The following BID variants were observed in gnomAD, a reference collection of about 807,000 sequenced individuals.
BID encodes the protein BH3 interacting domain death agonist.
A neutral mutation model predicts 17.4 loss-of-function variants in BID; 19 were observed. That is an observed-to-expected ratio of 1.09 (90% confidence interval 0.76 to 1.60). The LOEUF is 1.60. Among genes scored for constraint, BID ranks in the 40% most tolerant of loss-of-function variants. The probability of loss-of-function intolerance (pLI) is 0.00; values close to 1 mark genes in which losing one functional copy is unlikely to be tolerated. For missense variants in BID, 226 were observed against 256.0 expected (o/e 0.88, Z 0.80); for synonymous variants, 108 against 102.8 (o/e 1.05, Z -0.31).
chr22:17,756,868 C>T (rs912329055), intron 1 of BID, among the ~76,000 whole-genome samples: 8 of 152,216 alleles, frequency 5.3e-5, no homozygotes, highest in South Asian at 4.1e-4. Context: ...GCCACTATGC[C>T]GGCCGCAAAG....
At position 17,767,424 on chromosome 22, in the gene BID, C is replaced by T. The variant is rs999424804; in HGVS notation, c.-59+6957G>A. 4.6e-5 allele frequency among the ~76,000 whole-genome samples: 7 copies of T among 152,228 alleles called. No individual in the cohort carries two copies. In the East Asian group the frequency reaches 1.3e-3, roughly 29 times the overall value. Reference sequence around the variant, plus strand: ...ACATTCACTTAGTGAGAGGCAAAGGCCTTTCTGAATTACAACTTCAGCCCC... The same window carrying T: ...ACATTCACTTAGTGAGAGGCAAAGGTCTTTCTGAATTACAACTTCAGCCCC... On this transcript the variant is annotated intron_variant, in intron 1 of 5. Coordinates refer to ENST00000622694, the MANE Select transcript of BID (RefSeq NM_001196.4).
intron 1 of BID, among the ~76,000 whole-genome samples, chr22:17,759,775 A>C (rs1371251681): frequency 6.6e-6 from 1 of 152,182 alleles, no homozygotes; most frequent in Non-Finnish European, 1.5e-5. Context: ...TACTGAACCT[A>C]TGCAAATAAC....
intron 1 of BID, among the ~76,000 whole-genome samples, chr22:17,770,151 G>A (rs1408547612): frequency 6.6e-6 from 1 of 151,922 alleles, no homozygotes; most frequent in Non-Finnish European, 1.5e-5. Flanking sequence ...ACCCCAGATG[G>A]CTCTCCCTAC....
chr22:17,739,396 C>G lies in BID; in HGVS notation c.316G>C (p.Val106Leu). Residue 106 changes from valine to leucine, a missense_variant, in exon 4 of 6, where the codon GTG becomes CTG. Val to Leu is a conservative substitution (Grantham distance 32). Coordinates refer to ENST00000622694, the MANE Select transcript of BID (RefSeq NM_001196.4). Reference sequence around the variant, plus strand: ...CTGAGCTGCAGGGCCAGGCCGTTCACCAGGCCCGGAGGGATGCTACGGTCC... The same window carrying G: ...CTGAGCTGCAGGGCCAGGCCGTTCAGCAGGCCCGGAGGGATGCTACGGTCC... Reference protein sequence around the residue: ...SMDRSIPPGLVNGLALQLRNT... With the variant: ...SMDRSIPPGLLNGLALQLRNT... 6.2e-7 allele frequency: 1 copy of G among 1,608,828 alleles called. No individual in the cohort carries two copies. The highest frequency in any genetic ancestry group is 8.5e-7 in the Non-Finnish European group (1 of 1,178,494).
chr22:17,754,270 G>A (rs549624155), intron 1 of BID, among the ~76,000 whole-genome samples: 6 of 152,296 alleles, frequency 3.9e-5, no homozygotes, highest in African/African-American at 1.2e-4. Context: ...TTTGCCAGAC[G>A]GGGGTGACAA....
chr22:17,754,341 C>G (rs533124075), intron 1 of BID, among the ~76,000 whole-genome samples: 15 of 152,374 alleles, frequency 9.8e-5, no homozygotes, highest in African/African-American at 3.6e-4. Context: ...CAGGCCTCCC[C>G]TCCAATCCTC....
At chr22:17,753,215 C>T (rs1249010436) in intron 1 of BID, among the ~76,000 whole-genome samples, 1 of 152,176 alleles carries the variant, frequency 6.6e-6, no homozygotes, top group African/African-American at 2.4e-5. Context: ...ATCCGCCCGC[C>T]TCAGCCTCCC....
intron 1 of BID, among the ~76,000 whole-genome samples, chr22:17,751,929 CAGGCCACAG>C (rs1373067126): frequency 1.3e-5 from 2 of 152,252 alleles, no homozygotes; most frequent in African/African-American, 4.8e-5. Flanking sequence ...CCCCAGGAAA[CAGGCCACAG>C]AGGCCACGGC....
chr22:17,740,023 C>G lies in BID; in HGVS notation c.224-535G>C. The G allele has an allele frequency of 1.3e-6, 2 of 1,548,460 alleles. 1 individual carries two copies. Among genetic ancestry groups the G allele is most frequent in the South Asian group, 2.3e-5 (2 of 86,424 alleles). ...TGCCTTTCCAACCAGAGCTCTCCCC[C>G]TTGCCCCTCAGTCCTCCTCCTCTGG... On this transcript the variant is annotated intron_variant, in intron 3 of 5. Transcript: ENST00000622694.
At chr22:17,742,001 C>T (rs2061462654) in intron 3 of BID, among the ~76,000 whole-genome samples, 1 of 152,240 alleles carries the variant, frequency 6.6e-6, no homozygotes, top group South Asian at 2.1e-4. Context: ...AGCTTATCCA[C>T]CTTGCTTCAG....
At chr22:17,774,058 C>T in intron 1 of BID, 1 of 346,808 alleles carries the variant, frequency 2.9e-6, no homozygotes, top group Non-Finnish European at 5.4e-6. Context: ...CCCCGCGCCC[C>T]GCACCCCTCC....
rs569982696 is a variant in BID at position 17,742,285 on chromosome 22, G to A, written c.223+1518C>T. Among the ~76,000 whole-genome samples, 14 of 152,292 alleles carry A rather than the reference G, an allele frequency of 9.2e-5. No individual in the cohort carries two copies. In the East Asian group the frequency reaches 1.5e-3, roughly 17 times the overall value. On this transcript the variant is annotated intron_variant, in intron 3 of 5. Coordinates refer to ENST00000622694, the MANE Select transcript of BID (RefSeq NM_001196.4). ...GGCAAAGGCCGGCATGGAGAAGAGCGAGAGAAAAACACCAGGGCAGACTGG... is the reference window on the plus strand; with the variant it reads ...GGCAAAGGCCGGCATGGAGAAGAGCAAGAGAAAAACACCAGGGCAGACTGG...
chr22:17,740,387 C>T (rs1335006270), intron 3 of BID: 2 of 547,990 alleles, frequency 3.6e-6, no homozygotes, highest in East Asian at 3.0e-5. Flanking sequence ...TGCAGTGAGC[C>T]GTGATTGCAC....
At chr22:17,746,748 A>C (rs2061497562) in intron 2 of BID, among the ~76,000 whole-genome samples, 2 of 152,208 alleles carry the variant, frequency 1.3e-5, no homozygotes, top group Non-Finnish European at 1.5e-5. Context: ...GCAGAGACAC[A>C]CAGAGAGGAC....
At chr22:17,743,649 C>A (rs868428448) in intron 3 of BID, among the ~76,000 whole-genome samples, 154 bp downstream of exon 3, 1 of 152,176 alleles carries the variant, frequency 6.6e-6, no homozygotes, top group Non-Finnish European at 1.5e-5. Context: ...CAAGTAGAGA[C>A]CAGTCAAGTG....
chr22:17,758,933 T>G (rs1345373749), intron 1 of BID, among the ~76,000 whole-genome samples: 1 of 152,066 alleles, frequency 6.6e-6, no homozygotes, highest in Non-Finnish European at 1.5e-5. Flanking sequence ...AAATATACAC[T>G]TAAAAAAGAG....
intron 1 of BID, among the ~76,000 whole-genome samples, chr22:17,768,403 A>G (rs1369076455): frequency 2.0e-5 from 3 of 152,214 alleles, no homozygotes; most frequent in African/African-American, 4.8e-5. Context: ...CCTATGCTCC[A>G]GGTCTTTGTG....
At chr22:17,742,467 A>ACCTCCCC (rs1319569389) in intron 3 of BID, among the ~76,000 whole-genome samples, 1 of 125,838 alleles carries the variant, frequency 7.9e-6, no homozygotes, top group African/African-American at 2.8e-5. Flanking sequence ...ATTCTCAGAC[A>ACCTCCCC]CCTCCCCCCA....
At chr22:17,740,240 ACC>A in intron 3 of BID, 2 of 1,438,976 alleles carry the variant, frequency 1.4e-6, no homozygotes, top group Non-Finnish European at 1.9e-6. Flanking sequence ...ACTGACAAAT[ACC>A]CAGCACTTAA....
Sources: allele counts gnomAD v4.1 joint callset (sites outside exome capture counted in the v4.1 genomes callset), GRCh38; gene constraint gnomAD v4.1.1; transcripts MANE v1.5; gene names NCBI Gene and HGNC (gene_info 2026-07-23, HGNC 2026-07-21).